Variants in MYO1C observed in about 807,000 individuals in gnomAD.
The protein encoded by MYO1C is unconventional myosin-Ic.
In MYO1C, 104 loss-of-function variants were observed where a neutral mutation model predicts 150.8. The observed-to-expected ratio is 0.69, with a 90% CI of 0.59 to 0.81. The LOEUF (loss-of-function observed/expected upper bound fraction) is 0.81, where lower values mean the gene tolerates loss of function less well. MYO1C is among the 30% of genes least tolerant of loss of function. MYO1C has a pLI of 0.00. For missense variants in MYO1C, 1,504 were observed against 1,435.0 expected, an observed-to-expected ratio of 1.05 and a Z score of -0.78; for synonymous variants, 663 against 579.9, an observed-to-expected ratio of 1.14 and a Z score of -2.06.
At chr17:1,491,665 C>T (rs1322786582) in intron 1 of MYO1C, 8 of 980,364 alleles carry the variant, frequency 8.2e-6, no homozygotes, top group Non-Finnish European at 9.7e-6. Context: ...GGATCCGCGG[C>T]CCGGGCGCAC....
chr17:1,479,543 A>AG lies in MYO1C; in HGVS notation c.1021-42dup. The stretch of plus-strand genomic sequence containing the variant: ...GAGGACACGGTGAGGGTGCACCCCC[A>AG]GCCCCCGCCCCCGCCGTCCTCCCGT... On this transcript the variant is annotated intron_variant, in intron 8 of 31. Transcript: ENST00000648651. This position sits in a 1 kb window ranked among gnomAD's most constrained non-coding sequence, Gnocchi z 4.2. 1.0e-6 allele frequency: 1 copy of AG among 955,576 alleles called. No individual in the cohort carries two copies. Among genetic ancestry groups the AG allele is most frequent in the Non-Finnish European group, 1.7e-6 (1 of 606,024 alleles). The allele number at this position is 955,576 out of a possible 1,614,324, so 59.2% of individuals were successfully genotyped here.
At position 1,475,032 on chromosome 17, in the gene MYO1C, C is replaced by CCTGG; in HGVS notation, c.1575-4_1575-1dup (p.His526GlnfsTer6). 1 of 1,551,434 alleles carries CCTGG rather than the reference C, an allele frequency of 6.4e-7. No homozygotes were observed. Among genetic ancestry groups the CCTGG allele is most frequent in the Non-Finnish European group, 8.7e-7 (1 of 1,147,116 alleles). On this transcript the variant is annotated frameshift_variant and splice_region_variant. Transcript: ENST00000648651. LOFTEE classifies it high-confidence loss of function. ...TGGTCCGCTGGTCAGCCAGCTTGTGCCTGGGGGTGACAGGGAGGAAGCTGC... is the reference window on the plus strand; with the variant it reads ...TGGTCCGCTGGTCAGCCAGCTTGTGCCTGGCTGGGGGTGACAGGGAGGAAGCTGC...
intron 31 of MYO1C, 125 bp from the exon 32 acceptor site, chr17:1,465,877 G>C (rs1390029624): frequency 1.5e-6 from 1 of 665,156 alleles, no homozygotes; most frequent in African/African-American, 1.8e-5. Flanking sequence ...ATATTGTCCA[G>C]GCTGGTCTTG....
At chr17:1,487,639 C>T (rs184586442) in intron 1 of MYO1C, among the ~76,000 whole-genome samples, 2 of 152,272 alleles carry the variant, frequency 1.3e-5, no homozygotes, top group East Asian at 1.9e-4. Flanking sequence ...GAGGGAGGGC[C>T]GGGCGCGGTG....
intron 1 of MYO1C, chr17:1,485,657 G>C: frequency 8.3e-7 from 1 of 1,207,898 alleles, no homozygotes; most frequent in East Asian, 3.5e-5. Context: ...AGGGACGCCC[G>C]GGACCCCCCG....
rs781086035 is a variant in MYO1C at position 1,477,599 on chromosome 17, G to T, written c.1483-3C>A. The stretch of plus-strand genomic sequence containing the variant: ...CCGGGGCGCAGACACTCCTCATCCT[G>T]GGGGGTGTGGCACAGGGGGAAGGAC... On this transcript the variant is annotated splice_polypyrimidine_tract_variant and splice_region_variant and intron_variant, in intron 13 of 31. Coordinates refer to ENST00000648651, the MANE Select transcript of MYO1C (RefSeq NM_001080779.2). 1.9e-6 allele frequency: 3 copies of T among 1,610,630 alleles called. No individual in the cohort carries two copies. Among genetic ancestry groups the T allele is most frequent in the South Asian group, 2.2e-5 (2 of 91,020 alleles).
At position 1,477,879 on chromosome 17, in the gene MYO1C, C is replaced by T; in HGVS notation, c.1482+12G>A. 2 of 1,612,144 alleles carry T rather than the reference C, an allele frequency of 1.2e-6. No homozygotes were observed. The highest frequency in any genetic ancestry group is 1.7e-6 in the Non-Finnish European group (2 of 1,178,384). ...CCTCCAGCACCAGGCCTTGGAGGCG[C>T]AGAGGACTCACCAAAATCGAGATGA... On this transcript the variant is annotated intron_variant, in intron 13 of 31. Coordinates refer to ENST00000648651, the MANE Select transcript of MYO1C (RefSeq NM_001080779.2).
At chr17:1,476,761 A>C (rs2074409004) in intron 14 of MYO1C, among the ~76,000 whole-genome samples, 1 of 152,146 alleles carries the variant, frequency 6.6e-6, no homozygotes, top group East Asian at 1.9e-4. Flanking sequence ...TCAATTTCCA[A>C]ACAAGGAAGA....
rs952566576 is a variant in MYO1C at position 1,465,733 on chromosome 17, G to T, written c.3185C>A (p.Ser1062Tyr). The change falls in exon 32 of 32, where the codon TCT becomes TAT. Residue 1062 changes from serine to tyrosine, a missense_variant. Physicochemically the swap from Ser to Tyr is moderately radical, Grantham distance 144. Transcript: ENST00000648651. ...HLAVVAPRLNSR is the reference protein window; with the variant it reads ...HLAVVAPRLNYR ...GTCCAGTGGGCGCCTTTATCACCGA[G>T]AATTCAGCCGTGGGGCGACCTGTGG... The T allele has an allele frequency of 7.5e-7, 1 of 1,326,286 alleles. No individual in the cohort carries two copies. 82.2% of individuals were successfully genotyped at this position (1,326,286 alleles called of 1,614,324 possible). A position where few individuals can be genotyped will look rare whatever the true frequency, so the allele number is the denominator to read the frequency against.
chr17:1,467,982 G>C lies in MYO1C; in HGVS notation c.2896+6C>G, dbSNP rs2074214782. On this transcript the variant is annotated splice_donor_region_variant and intron_variant, in intron 28 of 31. Transcript: ENST00000648651. ...CCTCCCCCTGCAGCCCTGGACCCTGGCTGACCGGTCAGGTTGGCGTAATCA... is the reference window on the plus strand; with the variant it reads ...CCTCCCCCTGCAGCCCTGGACCCTGCCTGACCGGTCAGGTTGGCGTAATCA... 2.5e-6 allele frequency: 4 copies of C among 1,612,652 alleles called. No homozygotes were observed. Among genetic ancestry groups the C allele is most frequent in the Middle Eastern group, 1.6e-4 (1 of 6,082 alleles).
chr17:1,492,515 G>A lies in MYO1C; in HGVS notation c.-28C>T, dbSNP rs376827401. 4.4e-5 allele frequency: 69 copies of A among 1,575,668 alleles called. No individual in the cohort carries two copies. Among genetic ancestry groups the A allele is most frequent in the Non-Finnish European group, 5.8e-5 (67 of 1,160,834 alleles). ...CGCCCTGCGGAGAGCCAGCGGCCTG[G>A]GCACCGCGGCCTGTGAGCAAGAGCT... is the stretch of plus-strand genomic sequence containing the variant. On this transcript the variant is annotated 5_prime_UTR_variant, in exon 1 of 32. Coordinates refer to ENST00000648651, the MANE Select transcript of MYO1C (RefSeq NM_001080779.2).
intron 21 of MYO1C, 127 bp from the exon 22 acceptor site, chr17:1,470,816 T>C: frequency 9.7e-7 from 1 of 1,030,022 alleles, no homozygotes. Context: ...AGGAGGAGAG[T>C]GGTGAAGAAG....
At chr17:1,477,329 C>A (rs1567524382) in intron 14 of MYO1C, 176 bp downstream of exon 14, 3 of 656,798 alleles carry the variant, frequency 4.6e-6, no homozygotes, top group East Asian at 5.5e-5. Context: ...CCAGGCGTGT[C>A]AGCATGCCTG....
At chr17:1,474,454 G>T (rs1216710476) in intron 17 of MYO1C, among the ~76,000 whole-genome samples, 156 bp downstream of exon 17, 1 of 150,122 alleles carries the variant, frequency 6.7e-6, no homozygotes, top group Non-Finnish European at 1.5e-5. Flanking sequence ...AAAAAAAGTA[G>T]GCAAAGAGGC....
Position 1,468,285 on chromosome 17 carries a change from C to T in MYO1C, c.2728G>A (p.Val910Met). The T allele has an allele frequency of 6.2e-7, 1 of 1,613,896 alleles. No individual in the cohort carries two copies. The highest frequency in any genetic ancestry group is 8.5e-7 in the Non-Finnish European group (1 of 1,180,018). ...GGCTCAGAGCCCAAGGCCTGCAGCA[C>T]TCGGGGGCTGATCTCATCTGTACCT... is the stretch of plus-strand genomic sequence containing the variant. Reference protein sequence around the residue: ...RLGTDEISPRVLQALGSEPIQ... With the variant: ...RLGTDEISPRMLQALGSEPIQ... The change falls in exon 27 of 32, where the codon GTG (valine) becomes ATG (methionine). Residue 910 changes from valine to methionine, a missense_variant. By Grantham distance (21) the Val-to-Met change is conservative. Coordinates refer to ENST00000648651, the MANE Select transcript of MYO1C (RefSeq NM_001080779.2).
Position 1,468,383 on chromosome 17 carries a change from C to T in MYO1C, c.2704+20G>A. 1 of 1,613,702 alleles carries T rather than the reference C, an allele frequency of 6.2e-7. No homozygotes were observed. The highest frequency in any genetic ancestry group is 8.5e-7 in the Non-Finnish European group (1 of 1,179,638). On this transcript the variant is annotated intron_variant, in intron 26 of 31. Transcript: ENST00000648651. Reference sequence around the variant, plus strand: ...AGGATGGTGACGAAAGGTCTGAGTGCTGGAAAGTCAGGGGCTCACCAAGCC... The same window carrying T: ...AGGATGGTGACGAAAGGTCTGAGTGTTGGAAAGTCAGGGGCTCACCAAGCC...
chr17:1,474,918 C>G lies in MYO1C; in HGVS notation c.1669+20G>C, dbSNP rs1445308806. On this transcript the variant is annotated intron_variant, in intron 15 of 31. Transcript: ENST00000648651. ...GCCTCCCCGCAGGCCCCTGTGGGGA[C>G]ACAGCCCCAGGATCCTCACCGGTCA... 3.7e-6 allele frequency: 6 copies of G among 1,610,012 alleles called. No individual in the cohort carries two copies. In the South Asian group the frequency reaches 5.5e-5, roughly 15 times the overall value.
intron 1 of MYO1C, chr17:1,491,639 G>A: frequency 1.0e-6 from 1 of 981,016 alleles, no homozygotes; most frequent in Non-Finnish European, 1.2e-6. Flanking sequence ...CGGGCTGGGC[G>A]GCGTGGCGGG....
At chr17:1,469,298 G>A in intron 25 of MYO1C, 2 of 566,722 alleles carry the variant, frequency 3.5e-6, no homozygotes, top group African/African-American at 1.8e-5. Context: ...GGGTAAATAC[G>A]GTAGGTGGGG....
Sources: allele counts gnomAD v4.1 joint callset (sites outside exome capture counted in the v4.1 genomes callset), GRCh38; gene constraint gnomAD v4.1.1; non-coding constraint Gnocchi (gnomAD v3.1); transcripts MANE v1.5; gene names NCBI Gene and HGNC (gene_info 2026-07-23, HGNC 2026-07-21).